Variants in PCDHGA7 observed in about 807,000 individuals in gnomAD.
PCDHGA7 encodes the protein protocadherin gamma subfamily A, 7.
PCDHGA7 carries 44 observed loss-of-function variants against 58.3 expected under a neutral mutation model. The observed-to-expected ratio is 0.75, with a 90% CI of 0.59 to 0.97. The LOEUF is 0.97. Ranked by LOEUF, PCDHGA7 falls within the 50% of genes least tolerant of loss-of-function variation. PCDHGA7 has a pLI of 0.00. For missense variants in PCDHGA7, 1,266 were observed against 1,188.7 expected, an observed-to-expected ratio of 1.06 and a Z score of -0.96; for synonymous variants, 516 against 504.2, an observed-to-expected ratio of 1.02 and a Z score of -0.31.
At position 141,490,162 on chromosome 5, in the gene PCDHGA7, A is replaced by G. The variant is rs1371128858; in HGVS notation, c.2425-4645A>G. The G allele has an allele frequency of 1.2e-6, 2 of 1,614,218 alleles. No individual in the cohort carries two copies. The highest frequency in any genetic ancestry group is 1.7e-6 in the Non-Finnish European group (2 of 1,180,028). ...TGGGGCAATCCATGTGTTGGGTCCCATAGACTTTGAGGAGTCACGTTTCTA... is the reference window on the plus strand; with the variant it reads ...TGGGGCAATCCATGTGTTGGGTCCCGTAGACTTTGAGGAGTCACGTTTCTA... On this transcript the variant is annotated intron_variant, in intron 1 of 3. Transcript: ENST00000518325. This position sits in a 1 kb window ranked among gnomAD's most constrained non-coding sequence, Gnocchi z 5.4.
At chr5:141,494,183 G>A (rs971032835) in intron 1 of PCDHGA7, among the ~76,000 whole-genome samples, 2 of 152,146 alleles carry the variant, frequency 1.3e-5, no homozygotes, top group Non-Finnish European at 2.9e-5. Context: ...GAAGTGTCCC[G>A]GGACTTGGAT....
intron 1 of PCDHGA7, chr5:141,475,850 G>A (rs2099376325): frequency 1.9e-5 from 9 of 464,524 alleles, no homozygotes; most frequent in Middle Eastern, 5.9e-4. Context: ...AGAGAGCCCG[G>A]CGCTAGCTCA....
intron 1 of PCDHGA7, chr5:141,409,665 CCTACT>C (rs753951498): frequency 6.2e-7 from 1 of 1,613,576 alleles, no homozygotes; most frequent in Admixed American, 1.7e-5. Context: ...GGCCACATCT[CCTACT>C]CTATAGTGGC....
chr5:141,484,591 T>C (rs2099597977), intron 1 of PCDHGA7, among the ~76,000 whole-genome samples: 1 of 152,020 alleles, frequency 6.6e-6, no homozygotes, highest in African/African-American at 2.4e-5. Flanking sequence ...AAGCTACTCA[T>C]TTAGAATACT....
rs377138746 is a variant in PCDHGA7 at position 141,432,481 on chromosome 5, C to T, written c.2424+47158C>T. ...CCCTCCCCACGGACGGTTCCACTGG[C>T]GTGGAGCTGGCTCCCCGCTCCGCAG... On this transcript the variant is annotated intron_variant, in intron 1 of 3. Transcript: ENST00000518325. This position sits in a 1 kb window ranked among gnomAD's most constrained non-coding sequence, Gnocchi z 6.0. The T allele has an allele frequency of 1.1e-5, 17 of 1,614,198 alleles. No individual in the cohort carries two copies. The African/African-American group carries it at 1.7e-4, about 16-fold the overall frequency.
chr5:141,429,330 T>C (rs2097204620), intron 1 of PCDHGA7, among the ~76,000 whole-genome samples: 1 of 152,188 alleles, frequency 6.6e-6, no homozygotes, highest in East Asian at 1.9e-4. Flanking sequence ...CTTTAATCCA[T>C]TAACTATAAA....
intron 1 of PCDHGA7, chr5:141,402,822 C>G (rs1038768509): frequency 7.7e-7 from 1 of 1,302,260 alleles, no homozygotes; most frequent in African/African-American, 1.5e-5. Flanking sequence ...CAAACCTGCT[C>G]CCAGGCTGCA....
chr5:141,427,469 C>T lies in PCDHGA7; in HGVS notation c.2424+42146C>T, dbSNP rs116302471. The T allele has an allele frequency of 9.8e-3, 5,010 of 510,088 alleles. 35 individuals are homozygous for T. Among genetic ancestry groups the T allele is most frequent in the Non-Finnish European group, 0.012 (3,225 of 262,464 alleles). 31.6% of individuals were successfully genotyped at this position (510,088 alleles called of 1,614,324 possible). A position where few individuals can be genotyped will look rare whatever the true frequency, so the allele number is the denominator to read the frequency against. On this transcript the variant is annotated intron_variant, in intron 1 of 3. Coordinates refer to ENST00000518325, the MANE Select transcript of PCDHGA7 (RefSeq NM_018920.4). Reference sequence around the variant, plus strand: ...GAGTTCCTTTTAGAATCGAATCTTCCGCCAATAATGACTATAAGCTTGTAA... The same window carrying T: ...GAGTTCCTTTTAGAATCGAATCTTCTGCCAATAATGACTATAAGCTTGTAA...
At chr5:141,427,164 C>T (rs1171285271) in intron 1 of PCDHGA7, 1 of 456,682 alleles carries the variant, frequency 2.2e-6, no homozygotes, top group Non-Finnish European at 4.4e-6. Context: ...TGTGCTAGAC[C>T]ATCAAAATGG....
intron 1 of PCDHGA7, among the ~76,000 whole-genome samples, chr5:141,455,808 A>G (rs2098832210): frequency 6.6e-6 from 1 of 152,050 alleles, no homozygotes; most frequent in Non-Finnish European, 1.5e-5. Flanking sequence ...TAAAAAATGA[A>G]AACTTCCCAA....
intron 1 of PCDHGA7, chr5:141,396,092 A>G (rs1589275874): frequency 6.6e-6 from 1 of 152,314 alleles, no homozygotes; most frequent in East Asian, 1.9e-4. Context: ...AAGTGGTGAG[A>G]ATGTTGATAT....
At chr5:141,419,301 T>G in intron 1 of PCDHGA7, 6 of 1,613,998 alleles carry the variant, frequency 3.7e-6, no homozygotes, top group Non-Finnish European at 5.1e-6. Context: ...GACCCAGACT[T>G]CGGGCTCAAC....
intron 1 of PCDHGA7, chr5:141,423,618 C>CT (rs1300844043): frequency 1.9e-6 from 3 of 1,608,282 alleles, no homozygotes; most frequent in Admixed American, 1.7e-5. Flanking sequence ...TAGCTGAAGA[C>CT]TCAGCTATCA....
In PCDHGA7 at chr5:141,490,309, A is replaced by G. The variant is rs1485303337; in HGVS notation, c.2425-4498A>G. On this transcript the variant is annotated intron_variant, in intron 1 of 3. Transcript: ENST00000518325. The surrounding 1 kb of genome is among the most constrained non-coding windows in gnomAD (Gnocchi z 5.4). ...AGAGGTGCTATTGGCCTCTTTGGCCAACCCTGTCCTAGAGAGCACACCAGT... is the reference window on the plus strand; with the variant it reads ...AGAGGTGCTATTGGCCTCTTTGGCCGACCCTGTCCTAGAGAGCACACCAGT... The G allele has an allele frequency of 2.8e-5, 46 of 1,614,126 alleles. No homozygotes were observed. Among genetic ancestry groups the G allele is most frequent in the Non-Finnish European group, 3.8e-5 (45 of 1,180,056 alleles).
intron 1 of PCDHGA7, chr5:141,419,596 G>T: frequency 6.2e-7 from 1 of 1,611,682 alleles, no homozygotes; most frequent in Non-Finnish European, 8.5e-7. Flanking sequence ...ACACAGTGCC[G>T]CGGGCCGCGC....
At chr5:141,406,777 C>G (rs1235306644) in intron 1 of PCDHGA7, among the ~76,000 whole-genome samples, 1 of 152,150 alleles carries the variant, frequency 6.6e-6, no homozygotes, top group Non-Finnish European at 1.5e-5. Flanking sequence ...ATTTCTCTCA[C>G]TTATATATTA....
intron 1 of PCDHGA7, chr5:141,415,217 GCTTCGAGTCT>G: frequency 2.5e-6 from 4 of 1,614,124 alleles, no homozygotes; most frequent in Non-Finnish European, 3.4e-6. Context: ...GACCTCGGCA[GCTTCGAGTCT>G]CCAGCTAACT....
intron 1 of PCDHGA7, chr5:141,389,817 C>G: frequency 1.2e-6 from 2 of 1,613,870 alleles, no homozygotes; most frequent in Non-Finnish European, 1.7e-6. Context: ...GGTCGCCGTG[C>G]GTGACGGTGG....
rs747671382 is a variant in PCDHGA7 at position 141,444,152 on chromosome 5, A to ATTTTTTT, written c.2425-50625_2425-50619dup. On this transcript the variant is annotated intron_variant, in intron 1 of 3. Coordinates refer to ENST00000518325, the MANE Select transcript of PCDHGA7 (RefSeq NM_018920.4). ...GATATGTGTCACTTGTGTGTACTGG[A>ATTTTTTT]TTTTTTTTTTTTTTTTTTTTTTTTT... Among the ~76,000 whole-genome samples, 8 of 33,896 alleles carry ATTTTTTT rather than the reference A, an allele frequency of 2.4e-4. 2 individuals are homozygous for ATTTTTTT. The highest frequency in any genetic ancestry group is 2.1e-3 in the South Asian group (2 of 962). 22.2% of individuals were successfully genotyped at this position (33,896 alleles called of 152,430 possible).
Sources: gnomAD v4.1 joint callset for allele counts (sites outside exome capture counted in the v4.1 genomes callset) on GRCh38, gnomAD v4.1.1 for gene constraint, Gnocchi (gnomAD v3.1) non-coding constraint, MANE v1.5 for transcripts, NCBI Gene and HGNC (gene_info 2026-07-23, HGNC 2026-07-21) for gene names.